Variants in GOLT1A observed in about 807,000 individuals in gnomAD.
GOLT1A encodes the protein golgi transport 1A, also known as vesicle transport protein GOT1A.
GOLT1A carries 10 observed loss-of-function variants against 16.1 expected under a neutral mutation model. The observed-to-expected ratio is 0.62, with a 90% CI of 0.38 to 1.05. The LOEUF (loss-of-function observed/expected upper bound fraction) is 1.05. Among genes scored for constraint, GOLT1A ranks in the 50% least tolerant of loss-of-function variants. The pLI is 0.01. For synonymous variants in GOLT1A, 60 were observed against 67.9 expected (o/e 0.88, Z 0.57); for missense variants, 137 against 165.7 (o/e 0.83, Z 0.95).
chr1:204,209,269 T>C (rs1400683048), intron 1 of GOLT1A, among the ~76,000 whole-genome samples: 1 of 152,240 alleles, frequency 6.6e-6, no homozygotes, highest in Non-Finnish European at 1.5e-5. Context: ...ATTTGCCCCA[T>C]AGCTGATAAT....
In GOLT1A at chr1:204,198,329, C is replaced by T; in HGVS notation, c.*129G>A. On this transcript the variant is annotated 3_prime_UTR_variant, in exon 5 of 5. Transcript: ENST00000308302. ...CGTCAGTTGCTCAGCTCCATTCCTT[C>T]CTTCTGGACTTGGGGAGGTCCGGAT... 1.2e-6 allele frequency: 1 copy of T among 840,490 alleles called. No individual in the cohort carries two copies. The highest frequency in any genetic ancestry group is 1.9e-6 in the Non-Finnish European group (1 of 523,128). 52.1% of individuals were successfully genotyped at this position (840,490 alleles called of 1,614,324 possible).
chr1:204,210,597 A>T (rs72749757), intron 1 of GOLT1A, among the ~76,000 whole-genome samples: 18,197 of 151,908 alleles, frequency 0.12, 1,181 homozygotes, highest in Middle Eastern at 0.2. Flanking sequence ...CTAATTTTTT[A>T]AAATTGGTTT....
chr1:204,210,745 C>T (rs1300937742), intron 1 of GOLT1A, among the ~76,000 whole-genome samples: 2 of 152,158 alleles, frequency 1.3e-5, no homozygotes, highest in African/African-American at 2.4e-5. Context: ...CTTCAAACCT[C>T]CCTTGTATGC....
At chr1:204,213,827 G>C in intron 1 of GOLT1A, 55 bp downstream of exon 1, 1 of 1,596,228 alleles carries the variant, frequency 6.3e-7, no homozygotes. Context: ...GAGAGAGCCA[G>C]CCGGCAGGGA....
chr1:204,207,929 A>C (rs140373255), intron 1 of GOLT1A, among the ~76,000 whole-genome samples: 6 of 152,328 alleles, frequency 3.9e-5, no homozygotes, highest in Non-Finnish European at 5.9e-5. Flanking sequence ...ATGATCAGGG[A>C]AGTGCAAATC....
intron 4 of GOLT1A, chr1:204,198,981 C>T: frequency 1.7e-6 from 1 of 576,508 alleles, no homozygotes; most frequent in Non-Finnish European, 3.1e-6. Context: ...TCAGCTACAA[C>T]TGCGTCTGGA....
intron 1 of GOLT1A, among the ~76,000 whole-genome samples, chr1:204,213,375 G>A (rs532850610): frequency 1.7e-4 from 24 of 138,826 alleles, no homozygotes; most frequent in African/African-American, 5.6e-4. Flanking sequence ...ACAGAGCCAC[G>A]GTTCTTCCCA....
intron 1 of GOLT1A, among the ~76,000 whole-genome samples, chr1:204,203,280 C>T (rs1658990710): frequency 6.6e-6 from 1 of 152,210 alleles, no homozygotes; most frequent in Admixed American, 6.5e-5. Flanking sequence ...TTTATACTCT[C>T]AGCCTCCTCT....
intron 1 of GOLT1A, among the ~76,000 whole-genome samples, chr1:204,211,750 G>C (rs934121169): frequency 6.6e-6 from 1 of 152,124 alleles, no homozygotes; most frequent in Non-Finnish European, 1.5e-5. Context: ...TGGGGAAGCG[G>C]GGTGCGGGAT....
chr1:204,211,116 G>T (rs947167070), intron 1 of GOLT1A, among the ~76,000 whole-genome samples: 1 of 152,010 alleles, frequency 6.6e-6, no homozygotes, highest in African/African-American at 2.4e-5. Context: ...TTTCCTGGAC[G>T]TATGCAGCAG....
intron 1 of GOLT1A, among the ~76,000 whole-genome samples, chr1:204,212,453 G>A (rs1414735423): frequency 6.6e-6 from 1 of 151,838 alleles, no homozygotes; most frequent in East Asian, 1.9e-4. Flanking sequence ...CCTGGTAAAC[G>A]TGGAGAAACC....
At chr1:204,208,601 C>T (rs761194933) in intron 1 of GOLT1A, among the ~76,000 whole-genome samples, 3 of 149,946 alleles carry the variant, frequency 2.0e-5, no homozygotes, top group African/African-American at 4.9e-5. Flanking sequence ...GAAGTGACTC[C>T]GGAATGGAAA....
chr1:204,200,274 G>A (rs1422800993), intron 3 of GOLT1A, among the ~76,000 whole-genome samples: 6 of 106,808 alleles, frequency 5.6e-5, no homozygotes, highest in East Asian at 3.0e-4. Context: ...TTGAATAAGC[G>A]ACTGTTTGAA....
At chr1:204,204,962 C>A (rs1242718678) in intron 1 of GOLT1A, among the ~76,000 whole-genome samples, 3 of 152,172 alleles carry the variant, frequency 2.0e-5, no homozygotes, top group Non-Finnish European at 4.4e-5. Flanking sequence ...ATGTGTATAT[C>A]TTCTTTGGAG....
At chr1:204,207,277 C>A (rs1387269461) in intron 1 of GOLT1A, among the ~76,000 whole-genome samples, 1 of 152,226 alleles carries the variant, frequency 6.6e-6, no homozygotes, top group Admixed American at 6.5e-5. Flanking sequence ...CTGGAGGCGG[C>A]CAGGGCTGTC....
chr1:204,206,346 G>A (rs964261279), intron 1 of GOLT1A, among the ~76,000 whole-genome samples: 3 of 152,156 alleles, frequency 2.0e-5, no homozygotes, highest in Admixed American at 6.5e-5. Flanking sequence ...CCTCCTGCTG[G>A]CCTGAATTAA....
At chr1:204,211,515 T>C (rs988936415) in intron 1 of GOLT1A, among the ~76,000 whole-genome samples, 2 of 152,226 alleles carry the variant, frequency 1.3e-5, no homozygotes, top group African/African-American at 4.8e-5. Flanking sequence ...TCAGCTGAAA[T>C]GTCAGTTGCT....
chr1:204,213,782 G>A (rs1388027779), intron 1 of GOLT1A, 100 bp downstream of exon 1: 12 of 1,367,670 alleles, frequency 8.8e-6, no homozygotes, highest in Non-Finnish European at 1.2e-5. Context: ...TGGCTCCAGA[G>A]GTCACGCTTG....
At position 204,213,949 on chromosome 1, in the gene GOLT1A, G is replaced by A; in HGVS notation, c.-43C>T. 2 of 1,607,140 alleles carry A rather than the reference G, an allele frequency of 1.2e-6. No homozygotes were observed. Among genetic ancestry groups the A allele is most frequent in the Non-Finnish European group, 1.7e-6 (2 of 1,176,980 alleles). On this transcript the variant is annotated 5_prime_UTR_variant, in exon 1 of 5. Coordinates refer to ENST00000308302, the MANE Select transcript of GOLT1A (RefSeq NM_198447.2). ...GGGCTTTCCGGGTGGAAGCGGGCAA[G>A]TGGAGCGTGGCCCAGAGGACGCAGC...
Sources: allele counts gnomAD v4.1 joint callset (sites outside exome capture counted in the v4.1 genomes callset), GRCh38; gene constraint gnomAD v4.1.1; transcripts MANE v1.5; gene names NCBI Gene and HGNC (gene_info 2026-07-23, HGNC 2026-07-21).